Variants in RFT1 observed in about 807,000 individuals in gnomAD.
RFT1 encodes the protein RFT1 glycolipid translocator homolog, also known as man(5)GlcNAc(2)-PP-dolichol translocation protein RFT1.
RFT1 carries 43 observed loss-of-function variants against 62.2 expected under a neutral mutation model. The ratio of observed to expected loss-of-function variants is 0.69; its 90% CI spans 0.54 to 0.89. The LOEUF (loss-of-function observed/expected upper bound fraction) is 0.89. RFT1 is among the 40% of genes least tolerant of loss of function. The pLI, the probability that RFT1 is intolerant of heterozygous loss-of-function variation, is 0.00. For synonymous variants in RFT1, 262 were observed against 264.6 expected (o/e 0.99, Z 0.10); for missense variants, 605 against 649.9 (o/e 0.93, Z 0.75).
chr3:53,098,535 G>A (rs906353018), intron 11 of RFT1, among the ~76,000 whole-genome samples: 13 of 151,956 alleles, frequency 8.6e-5, no homozygotes, highest in Admixed American at 3.3e-4. Flanking sequence ...GGGCACGGTG[G>A]CTCATGCCTG....
At chr3:53,088,029 A>T (rs1477388461), downstream of RFT1, among the ~76,000 whole-genome samples, 1 of 152,198 alleles carries the variant, frequency 6.6e-6, no homozygotes, top group African/African-American at 2.4e-5. Flanking sequence ...ACTAGGTGAA[A>T]GGAAATTCTA....
At chr3:53,125,102 T>C (rs987370887) in intron 2 of RFT1, among the ~76,000 whole-genome samples, 1 of 152,252 alleles carries the variant, frequency 6.6e-6, no homozygotes, top group African/African-American at 2.4e-5. Flanking sequence ...TGTTCAGCAC[T>C]ATGTAGTGCA....
In RFT1 at chr3:53,124,819, A is replaced by G. The variant is rs182852557; in HGVS notation, c.150-979T>C. ...AGACCTCATCTCTACAAAAAATAAA[A>G]AAATTATTCAGGTGTGGCGGTGCAC... On this transcript the variant is annotated intron_variant, in intron 2 of 12. Coordinates refer to ENST00000296292, the MANE Select transcript of RFT1 (RefSeq NM_052859.4). 5.2e-3 allele frequency among the ~76,000 whole-genome samples: 786 copies of G among 152,172 alleles called. 2 individuals carry two copies. Among genetic ancestry groups the G allele is most frequent in the Non-Finnish European group, 8.4e-3 (569 of 68,002 alleles).
At chr3:53,069,622 T>C in the RFT1 span, among the ~76,000 whole-genome samples, 3 of 152,192 alleles carry the variant, frequency 2.0e-5, no homozygotes, top group Non-Finnish European at 4.4e-5. Context: ...CAAATTCCCA[T>C]TGAAGAGAGA....
intron 12 of RFT1, 64 bp from the exon 13 acceptor site, chr3:53,092,134 C>T (rs1559578630): frequency 1.3e-6 from 2 of 1,588,072 alleles, no homozygotes; most frequent in East Asian, 4.5e-5. Context: ...CTGGGACCAG[C>T]CAGGGAAGAC....
chr3:53,074,861 G>A, the RFT1 span, among the ~76,000 whole-genome samples: 1 of 152,160 alleles, frequency 6.6e-6, no homozygotes, highest in Non-Finnish European at 1.5e-5. Flanking sequence ...AGAGAAGCAG[G>A]CACCAAATCT....
At chr3:53,118,632 G>A (rs1701874664) in intron 6 of RFT1, among the ~76,000 whole-genome samples, 1 of 152,162 alleles carries the variant, frequency 6.6e-6, no homozygotes, top group Non-Finnish European at 1.5e-5. Context: ...ACAACTGAGT[G>A]CATTACATCC....
intron 4 of RFT1, 105 bp downstream of exon 4, chr3:53,122,269 G>A (rs1701990280): frequency 1.2e-5 from 13 of 1,083,262 alleles, no homozygotes; most frequent in Middle Eastern, 2.9e-4. Context: ...ATTTTTAGGT[G>A]CAAGTCTGGA....
chr3:53,099,777 C>G (rs757215160), intron 10 of RFT1, among the ~76,000 whole-genome samples: 20 of 152,188 alleles, frequency 1.3e-4, no homozygotes, highest in Non-Finnish European at 2.6e-4. Flanking sequence ...TGCTAGAGCC[C>G]AGAGGTTAGA....
chr3:53,120,133 T>C, intron 5 of RFT1, 112 bp from the exon 6 acceptor site: 2 of 862,026 alleles, frequency 2.3e-6, no homozygotes, highest in South Asian at 1.9e-5. Flanking sequence ...GCACTTTCTA[T>C]TCAGCAATGC....
chr3:53,099,700 T>A (rs1419006561), intron 10 of RFT1, among the ~76,000 whole-genome samples: 1 of 152,086 alleles, frequency 6.6e-6, no homozygotes, highest in Non-Finnish European at 1.5e-5. Context: ...AAAAACAAAA[T>A]GACAGGCTGG....
chr3:53,120,954 A>G (rs1701952752), intron 5 of RFT1, among the ~76,000 whole-genome samples: 1 of 152,144 alleles, frequency 6.6e-6, no homozygotes, highest in Admixed American at 6.5e-5. Flanking sequence ...TGAGCCACCC[A>G]CCTGATGCCA....
At position 53,122,476 on chromosome 3, in the gene RFT1, G is replaced by A. The variant is rs749165136; in HGVS notation, c.354C>T (p.His118=). The A allele has an allele frequency of 6.2e-7, 1 of 1,614,050 alleles. No individual in the cohort carries two copies. The highest frequency in any genetic ancestry group is 1.1e-5 in the South Asian group (1 of 91,084). ...CAAACAGCACCACTCCAGTTGCATAGTGAGGGACAACATTAGGATCAGGCA... is the reference window on the plus strand; with the variant it reads ...CAAACAGCACCACTCCAGTTGCATAATGAGGGACAACATTAGGATCAGGCA... The part of the protein sequence containing the change: ...LEVPDPNVVP[H]YATGVVLFGL... Residue 118 remains histidine (H), a synonymous_variant, in exon 4 of 13, where the codon CAC becomes CAT. Coordinates refer to ENST00000296292, the MANE Select transcript of RFT1 (RefSeq NM_052859.4).
chr3:53,092,131 C>T, intron 12 of RFT1, 61 bp from the exon 13 acceptor site: 1 of 1,591,282 alleles, frequency 6.3e-7, no homozygotes, highest in Non-Finnish European at 8.6e-7. Flanking sequence ...CCTCTGGGAC[C>T]AGCCAGGGAA....
At chr3:53,111,794 T>C (rs781300930) in intron 7 of RFT1, 36 bp downstream of exon 7, 25 of 1,549,796 alleles carry the variant, frequency 1.6e-5, no homozygotes, top group Non-Finnish European at 2.0e-5. Context: ...CCTTCTACTA[T>C]GGTCTCCCGA....
intron 8 of RFT1, among the ~76,000 whole-genome samples, chr3:53,106,343 A>G (rs1701474165): frequency 6.6e-6 from 1 of 152,252 alleles, no homozygotes; most frequent in South Asian, 2.1e-4. Context: ...ACAATATCAC[A>G]ACCAGGATAC....
At chr3:53,080,983 C>G in the RFT1 span, among the ~76,000 whole-genome samples, 3 of 152,198 alleles carry the variant, frequency 2.0e-5, no homozygotes, top group Non-Finnish European at 2.9e-5. Flanking sequence ...AGGGCTGTTG[C>G]AAGAAAGGAC....
Position 53,092,015 on chromosome 3 carries a change from C to T in RFT1, c.1514G>A (p.Gly505Glu). 6.2e-7 allele frequency: 1 copy of T among 1,614,254 alleles called. No individual in the cohort carries two copies. Among genetic ancestry groups the T allele is most frequent in the Non-Finnish European group, 8.5e-7 (1 of 1,180,044 alleles). Reference sequence around the variant, plus strand: ...GAGAGTTGCTCCCAGACAGAAGGCCCCCACAGCAATGTGTGCCAGTCTGGC... The same window carrying T: ...GAGAGTTGCTCCCAGACAGAAGGCCTCCACAGCAATGTGTGCCAGTCTGGC... Reference protein sequence around the residue: ...WPARLAHIAVGAFCLGATLGT... With the variant: ...WPARLAHIAVEAFCLGATLGT... The change falls in exon 13 of 13, where the codon GGG becomes GAG. Residue 505 changes from glycine (G) to glutamate (E), a missense_variant. Transcript: ENST00000296292.
chr3:53,084,604 T>C (rs749143821), downstream of RFT1, among the ~76,000 whole-genome samples: 5 of 152,180 alleles, frequency 3.3e-5, no homozygotes, highest in Non-Finnish European at 5.9e-5. Context: ...CCGAGCCTGT[T>C]CCAAGGCCCC....
Sources: gnomAD v4.1 joint callset for allele counts (sites outside exome capture counted in the v4.1 genomes callset) on GRCh38, gnomAD v4.1.1 for gene constraint, MANE v1.5 for transcripts, NCBI Gene and HGNC (gene_info 2026-07-23, HGNC 2026-07-21) for gene names.